ADGRB3: variants seen among roughly 807,000 people sequenced by gnomAD.
ADGRB3 encodes adhesion G protein-coupled receptor B3, also known as brain-specific angiogenesis inhibitor 3.
In ADGRB3, 37 loss-of-function variants were observed where a neutral mutation model predicts 193.4. The ratio of observed to expected loss-of-function variants is 0.19; its 90% CI spans 0.15 to 0.25. The LOEUF (loss-of-function observed/expected upper bound fraction) is 0.25, where lower values mean the gene tolerates loss of function less well. Among genes scored for constraint, ADGRB3 ranks in the 10% least tolerant of loss-of-function variants. ADGRB3 has a pLI of 1.00. For missense variants in ADGRB3, 1,637 were observed against 1,852.9 expected (o/e 0.88, Z 2.14); for synonymous variants, 690 against 644.2 (o/e 1.07, Z -1.08).
intron 3 of ADGRB3, among the ~76,000 whole-genome samples, chr6:68,706,435 G>T (rs1473303978): frequency 6.6e-6 from 1 of 152,198 alleles, no homozygotes; most frequent in African/African-American, 2.4e-5. Flanking sequence ...GAAAAAGCTT[G>T]TTACGAATAA....
chr6:68,692,187 A>G lies in ADGRB3; in HGVS notation c.757+52755A>G, dbSNP rs1201759022. On this transcript the variant is annotated intron_variant, in intron 3 of 31. Coordinates refer to ENST00000370598, the MANE Select transcript of ADGRB3 (RefSeq NM_001704.3). ...ATTCCCTAGAAAATTTAGGATAAACATTTTCTAACATTTGAATCAACTATG... is the reference window on the plus strand; with the variant it reads ...ATTCCCTAGAAAATTTAGGATAAACGTTTTCTAACATTTGAATCAACTATG... Among the ~76,000 whole-genome samples the G allele has an allele frequency of 6.6e-5, 10 of 151,976 alleles. No homozygotes were observed. In the East Asian group the frequency reaches 1.9e-3, roughly 29 times the overall value.
At chr6:68,900,555 A>G (rs942852056) in intron 3 of ADGRB3, among the ~76,000 whole-genome samples, 10 of 152,152 alleles carry the variant, frequency 6.6e-5, no homozygotes, top group African/African-American at 2.2e-4. Context: ...AGTAGATAGG[A>G]TGACCCATTC....
chr6:68,784,493 G>T (rs2127362795), intron 3 of ADGRB3, among the ~76,000 whole-genome samples: 1 of 151,980 alleles, frequency 6.6e-6, no homozygotes, highest in Admixed American at 6.6e-5. Flanking sequence ...TATTTTCCTT[G>T]TATATCTACA....
chr6:68,840,330 C>T (rs1768127147), intron 3 of ADGRB3, among the ~76,000 whole-genome samples: 1 of 141,154 alleles, frequency 7.1e-6, no homozygotes, highest in Non-Finnish European at 1.5e-5. Flanking sequence ...GATACTACAT[C>T]AGGCCACAGT....
At chr6:69,332,659 C>A in intron 23 of ADGRB3, 1 of 985,406 alleles carries the variant, frequency 1.0e-6, no homozygotes, top group Non-Finnish European at 1.2e-6. Context: ...ATTTAAAATT[C>A]AGGCAATTGA....
At chr6:69,126,066 A>G (rs1037271080) in intron 17 of ADGRB3, among the ~76,000 whole-genome samples, 2 of 152,194 alleles carry the variant, frequency 1.3e-5, no homozygotes, top group South Asian at 4.1e-4. Context: ...CTGAATATGC[A>G]CTAAGTATAT....
intron 17 of ADGRB3, among the ~76,000 whole-genome samples, chr6:69,144,394 CTTTA>C (rs919558924): frequency 1.5e-4 from 23 of 152,010 alleles, no homozygotes; most frequent in African/African-American, 5.3e-4. Context: ...TTTAGATGCC[CTTTA>C]TTTATTTATC....
chr6:69,208,908 C>A (rs1765597364), intron 17 of ADGRB3, among the ~76,000 whole-genome samples: 1 of 152,152 alleles, frequency 6.6e-6, no homozygotes. Flanking sequence ...CACAGGGTAA[C>A]ATGATGACCC....
chr6:68,938,292 A>G (rs1767535759), intron 5 of ADGRB3, among the ~76,000 whole-genome samples: 1 of 152,026 alleles, frequency 6.6e-6, no homozygotes, highest in South Asian at 2.1e-4. Context: ...GATTAAAAAC[A>G]GAATTCATAG....
intron 16 of ADGRB3, among the ~76,000 whole-genome samples, chr6:69,072,611 A>G (rs1772108557): frequency 6.6e-6 from 1 of 152,142 alleles, no homozygotes. Flanking sequence ...ATTAGTTTAT[A>G]TAAAGATTTA....
At chr6:68,873,901 G>T (rs1765523351) in intron 3 of ADGRB3, among the ~76,000 whole-genome samples, 1 of 151,946 alleles carries the variant, frequency 6.6e-6, no homozygotes, top group Admixed American at 6.6e-5. Flanking sequence ...AAAAAAATTA[G>T]CATATATTCT....
intron 17 of ADGRB3, among the ~76,000 whole-genome samples, chr6:69,104,619 T>C (rs180689883): frequency 8.3e-4 from 126 of 152,236 alleles, no homozygotes; most frequent in Admixed American, 2.2e-3. Flanking sequence ...GTTGCTCTTT[T>C]CTATAATATA....
intron 17 of ADGRB3, among the ~76,000 whole-genome samples, chr6:69,133,211 G>A (rs1299056221): frequency 6.6e-6 from 1 of 151,964 alleles, no homozygotes. Context: ...AAATTACTTT[G>A]GGCAGTATGG....
rs772320905 is a variant in ADGRB3, at chr6:69,145,866, C to T, written c.2480+69828C>T. 8.5e-5 allele frequency among the ~76,000 whole-genome samples: 13 copies of T among 152,124 alleles called. 1 individual carries two copies. Among genetic ancestry groups the T allele is most frequent in the South Asian group, 6.3e-4 (3 of 4,800 alleles). On this transcript the variant is annotated intron_variant, in intron 17 of 31. Transcript: ENST00000370598. Reference sequence around the variant, plus strand: ...AGCTCCTCTCTGCAGCTGTTCATCCCGACCTCTCTTCATGTCTGGCTGAGT... The same window carrying T: ...AGCTCCTCTCTGCAGCTGTTCATCCTGACCTCTCTTCATGTCTGGCTGAGT...
intron 3 of ADGRB3, among the ~76,000 whole-genome samples, chr6:68,867,424 G>C (rs1488749154): frequency 6.6e-6 from 1 of 152,220 alleles, no homozygotes; most frequent in Admixed American, 6.5e-5. Context: ...GAAACACCTG[G>C]ATATCCAGGC....
At chr6:68,895,137 C>T (rs753390857) in intron 3 of ADGRB3, among the ~76,000 whole-genome samples, 4 of 151,718 alleles carry the variant, frequency 2.6e-5, no homozygotes, top group African/African-American at 4.8e-5. Flanking sequence ...AATAATCCTT[C>T]CCCAGATTTA....
intron 3 of ADGRB3, among the ~76,000 whole-genome samples, chr6:68,845,213 A>G (rs536762707): frequency 6.6e-6 from 1 of 152,300 alleles, no homozygotes; most frequent in East Asian, 1.9e-4. Flanking sequence ...AACATATCTC[A>G]TGTTCCTCAT....
intron 3 of ADGRB3, among the ~76,000 whole-genome samples, chr6:68,903,731 G>A (rs1766460174): frequency 6.6e-6 from 1 of 151,982 alleles, no homozygotes; most frequent in Admixed American, 6.6e-5. Context: ...AATGGGGCCA[G>A]GAGCAGTGGT....
At chr6:68,853,904 G>A (rs2127391970) in intron 3 of ADGRB3, among the ~76,000 whole-genome samples, 1 of 152,260 alleles carries the variant, frequency 6.6e-6, no homozygotes, top group East Asian at 1.9e-4. Context: ...CACTACAAAG[G>A]AAGCACTAAA....
Sources: allele counts gnomAD v4.1 joint callset (sites outside exome capture counted in the v4.1 genomes callset), GRCh38; gene constraint gnomAD v4.1.1; transcripts MANE v1.5; gene names NCBI Gene and HGNC (gene_info 2026-07-23, HGNC 2026-07-21).